MAP3K13: variants seen among roughly 807,000 people sequenced by gnomAD.
MAP3K13 encodes leucine zipper-bearing kinase.
Under a neutral mutation model 104.0 loss-of-function variants are expected in MAP3K13, and 52 were observed. That is an observed-to-expected ratio of 0.50 (90% CI 0.40 to 0.63). The LOEUF (loss-of-function observed/expected upper bound fraction) is 0.63, where lower values mean the gene tolerates loss of function less well. Ranked by LOEUF, MAP3K13 falls within the 20% of genes least tolerant of loss-of-function variation. The probability of loss-of-function intolerance (pLI) is 0.00; values close to 1 mark genes in which losing one functional copy is unlikely to be tolerated. For synonymous variants in MAP3K13, 394 were observed against 442.2 expected (o/e 0.89, Z 1.37); for missense variants, 914 against 1,218.5 (o/e 0.75, Z 3.72).
In MAP3K13 at chr3:185,470,104, G is replaced by A. The variant is rs577493438; in HGVS notation, c.1644-2871G>A. On this transcript the variant is annotated intron_variant, in intron 10 of 13. Transcript: ENST00000265026. ...AGGGCTGCTGCTCTCCACTTCAACCGGTTCCACTATACCTTTTTTATTTAT... is the reference window on the plus strand; with the variant it reads ...AGGGCTGCTGCTCTCCACTTCAACCAGTTCCACTATACCTTTTTTATTTAT... Among the ~76,000 whole-genome samples, 8 of 152,248 alleles carry A rather than the reference G, an allele frequency of 5.3e-5. No individual in the cohort carries two copies. In the South Asian group the frequency reaches 6.2e-4, roughly 12 times the overall value.
At chr3:185,307,552 C>CCCCT (rs1665718906) in intron 2 of MAP3K13, among the ~76,000 whole-genome samples, 7 of 134,458 alleles carry the variant, frequency 5.2e-5, no homozygotes, top group African/African-American at 8.8e-5. Flanking sequence ...CCCCCTCCCC[C>CCCCT]GCCACCCCGA....
chr3:185,404,842 A>G (rs1428185217), intron 1 of MAP3K13, among the ~76,000 whole-genome samples: 3 of 152,156 alleles, frequency 2.0e-5, no homozygotes, highest in African/African-American at 7.2e-5. Flanking sequence ...TCGGCCTCCC[A>G]AAGTGTTGGG....
chr3:185,288,475 A>C (rs538849813), intron 2 of MAP3K13, among the ~76,000 whole-genome samples: 1 of 149,372 alleles, frequency 6.7e-6, no homozygotes, highest in African/African-American at 2.4e-5. Flanking sequence ...TATATATTCC[A>C]GAAATATATG....
At chr3:185,383,325 G>A (rs1343222509) in intron 1 of MAP3K13, among the ~76,000 whole-genome samples, 1 of 152,004 alleles carries the variant, frequency 6.6e-6, no homozygotes, top group East Asian at 1.9e-4. Context: ...ATAAACATAC[G>A]TGTGCATGTG....
chr3:185,290,824 T>G (rs1720705441), intron 2 of MAP3K13, among the ~76,000 whole-genome samples: 1 of 152,218 alleles, frequency 6.6e-6, no homozygotes, highest in Non-Finnish European at 1.5e-5. Context: ...CTATTATTAT[T>G]AGTTTTTAGG....
At chr3:185,458,367 CA>C (rs60147107) in intron 7 of MAP3K13, among the ~76,000 whole-genome samples, 94,096 of 112,204 alleles carry the variant, frequency 0.84, 39,396 homozygotes, top group East Asian at 0.94. Context: ...GACCCCATCT[CA>C]AAAAAAAAAA....
rs548813356 is a variant in MAP3K13 at position 185,330,046 on chromosome 3, A to ATTTTTT, written c.-86+44434_-86+44439dup. On this transcript the variant is annotated intron_variant, in intron 2 of 14. Transcript: ENST00000424227. ...AGGCGCCCGCCACCATGCCTGGCTA[A>ATTTTTT]TTTTTTTTTTTTTTTTTTTTTTTTT... 6.6e-4 allele frequency among the ~76,000 whole-genome samples: 65 copies of ATTTTTT among 98,252 alleles called. 2 individuals carry two copies. Among genetic ancestry groups the ATTTTTT allele is most frequent in the Admixed American group, 4.7e-3 (39 of 8,264 alleles). 64.5% of individuals were successfully genotyped at this position (98,252 alleles called of 152,430 possible).
chr3:185,395,574 G>A (rs1463541431), intron 1 of MAP3K13, among the ~76,000 whole-genome samples: 6 of 149,986 alleles, frequency 4.0e-5, no homozygotes, highest in African/African-American at 1.5e-4. Context: ...TAGCCGGGAT[G>A]GTCTCGATCT....
intron 1 of MAP3K13, among the ~76,000 whole-genome samples, chr3:185,414,922 A>G (rs1306737061): frequency 2.0e-5 from 3 of 152,118 alleles, no homozygotes; most frequent in African/African-American, 7.2e-5. Flanking sequence ...CTGTAATCCT[A>G]GCACTTTGGG....
At chr3:185,341,151 G>A (rs1345320340) in intron 2 of MAP3K13, among the ~76,000 whole-genome samples, 2 of 152,128 alleles carry the variant, frequency 1.3e-5, no homozygotes, top group Non-Finnish European at 2.9e-5. Flanking sequence ...AAATGTGACC[G>A]TATTTGGAAA....
chr3:185,295,276 G>T (rs557442247), intron 2 of MAP3K13, among the ~76,000 whole-genome samples: 102 of 152,194 alleles, frequency 6.7e-4, no homozygotes, highest in African/African-American at 2.4e-3. Context: ...TGCAATCTTG[G>T]CTCACTGCAA....
At chr3:185,291,973 G>C in intron 2 of MAP3K13, 1 of 1,068,012 alleles carries the variant, frequency 9.4e-7, no homozygotes, top group Non-Finnish European at 1.1e-6. Context: ...TAAATTTGGT[G>C]AATTTAGAAT....
rs1717648823 is a variant in MAP3K13, at chr3:185,469,496, T to C, written c.1643+2533T>C. On this transcript the variant is annotated intron_variant, in intron 10 of 13. Transcript: ENST00000265026. ...AACAAAGTGCTTTCTGCAGTACAAA[T>C]TGGCCAGCTGACCACAGAATTTTGA... 2.0e-5 allele frequency among the ~76,000 whole-genome samples: 3 copies of C among 152,206 alleles called. No homozygotes were observed. The South Asian group carries it at 6.2e-4, about 32-fold the overall frequency.
At chr3:185,433,898 G>C (rs1224424622) in intron 2 of MAP3K13, among the ~76,000 whole-genome samples, 1 of 152,030 alleles carries the variant, frequency 6.6e-6, no homozygotes, top group African/African-American at 2.4e-5. Flanking sequence ...AACATAGTGA[G>C]TTACAATGTA....
At chr3:185,362,727 A>G (rs1165687373), upstream of MAP3K13, among the ~76,000 whole-genome samples, 2 of 152,106 alleles carry the variant, frequency 1.3e-5, no homozygotes, top group South Asian at 2.1e-4. Context: ...AGTTTTAGAA[A>G]TGGTTTTCCT....
At chr3:185,291,576 G>C (rs1382886301) in intron 2 of MAP3K13, 2 of 1,494,486 alleles carry the variant, frequency 1.3e-6, no homozygotes, top group African/African-American at 2.8e-5. Context: ...TATTAGACTT[G>C]TAGTAGAATT....
At chr3:185,285,393 G>A in intron 1 of MAP3K13, 1 of 413,518 alleles carries the variant, frequency 2.4e-6, no homozygotes, top group Non-Finnish European at 4.4e-6. Flanking sequence ...TCAATCTGCT[G>A]TTCAATGTGA....
At chr3:185,458,598 C>A (rs1273696202) in intron 7 of MAP3K13, among the ~76,000 whole-genome samples, 1 of 152,128 alleles carries the variant, frequency 6.6e-6, no homozygotes, top group Non-Finnish European at 1.5e-5. Context: ...TTATCCTGCC[C>A]CAGTAGGGAA....
intron 2 of MAP3K13, among the ~76,000 whole-genome samples, chr3:185,299,161 G>A (rs1721013134): frequency 6.6e-6 from 1 of 152,184 alleles, no homozygotes; most frequent in Non-Finnish European, 1.5e-5. Context: ...TCATCAGAGA[G>A]TTGAGGTCAC....
Sources: gnomAD v4.1 joint callset for allele counts (sites outside exome capture counted in the v4.1 genomes callset) on GRCh38, gnomAD v4.1.1 for gene constraint, MANE v1.5 for transcripts, NCBI Gene and HGNC (gene_info 2026-07-23, HGNC 2026-07-21) for gene names.